CSMD1: variants seen among roughly 807,000 people sequenced by gnomAD.
The protein encoded by CSMD1 is CUB and Sushi multiple domains 1.
In CSMD1, 213 loss-of-function variants were observed where a neutral mutation model predicts 417.5. That is an observed-to-expected ratio of 0.51 (90% CI 0.46 to 0.57). CSMD1 has a LOEUF of 0.57. Ranked by LOEUF, CSMD1 falls within the 20% of genes least tolerant of loss-of-function variation. The pLI, the probability that CSMD1 is intolerant of heterozygous loss-of-function variation, is 0.00. For missense variants in CSMD1, 6,923 were observed against 4,529.7 expected, an observed-to-expected ratio of 1.53 and a Z score of -15.17; for synonymous variants, 2,862 against 1,736.8, an observed-to-expected ratio of 1.65 and a Z score of -16.11.
chr8:3,489,690 G>GT (rs763201857), intron 11 of CSMD1, among the ~76,000 whole-genome samples: 1 of 152,076 alleles, frequency 6.6e-6, no homozygotes, highest in Middle Eastern at 3.2e-3. Flanking sequence ...CTTTTATATT[G>GT]TGCCATAAAA....
intron 3 of CSMD1, among the ~76,000 whole-genome samples, chr8:4,140,244 T>TC (rs112973467): frequency 0.29 from 42,894 of 148,516 alleles, 8,426 homozygotes; most frequent in Non-Finnish European, 0.37. Flanking sequence ...CAGCCTGTCA[T>TC]CTAGCACTTT....
intron 5 of CSMD1, among the ~76,000 whole-genome samples, chr8:3,843,650 C>A (rs1803282596): frequency 6.6e-6 from 1 of 152,106 alleles, no homozygotes; most frequent in Admixed American, 6.6e-5. Flanking sequence ...AATGCATTTT[C>A]AAAGAGACAG....
At chr8:3,868,181 C>G (rs1805237159) in intron 5 of CSMD1, among the ~76,000 whole-genome samples, 1 of 152,106 alleles carries the variant, frequency 6.6e-6, no homozygotes, top group Non-Finnish European at 1.5e-5. Flanking sequence ...GAACCAACAC[C>G]TGGTGCAGTT....
intron 3 of CSMD1, among the ~76,000 whole-genome samples, chr8:4,044,637 G>A (rs983615938): frequency 1.8e-4 from 22 of 120,694 alleles, no homozygotes; most frequent in Non-Finnish European, 2.8e-4. Flanking sequence ...GAGACATAGC[G>A]CACCCTGTAC....
chr8:4,261,416 G>A (rs1394763033), intron 3 of CSMD1, among the ~76,000 whole-genome samples: 1 of 152,110 alleles, frequency 6.6e-6, no homozygotes, highest in Admixed American at 6.6e-5. Context: ...GGGGAGAGGG[G>A]AAATGGGGAA....
At chr8:3,203,797 G>C (rs1021213490) in intron 31 of CSMD1, among the ~76,000 whole-genome samples, 12 of 152,186 alleles carry the variant, frequency 7.9e-5, no homozygotes, top group African/African-American at 2.9e-4. Flanking sequence ...TGAGAATAGA[G>C]GAAACTGGGT....
intron 10 of CSMD1, 100 bp from the exon 11 acceptor site, chr8:3,493,826 C>G: frequency 1.1e-6 from 1 of 898,620 alleles, no homozygotes; most frequent in South Asian, 1.7e-5. Flanking sequence ...AATTTTGCTC[C>G]TTAATGCCAA....
At chr8:4,844,881 G>C (rs1801043264) in intron 1 of CSMD1, among the ~76,000 whole-genome samples, 1 of 152,104 alleles carries the variant, frequency 6.6e-6, no homozygotes, top group South Asian at 2.1e-4. Flanking sequence ...CTGCTTAACA[G>C]TACCCCCACA....
intron 3 of CSMD1, among the ~76,000 whole-genome samples, chr8:4,041,386 T>C (rs1322183503): frequency 6.6e-6 from 1 of 152,154 alleles, no homozygotes; most frequent in African/African-American, 2.4e-5. Context: ...ATGACAAGAA[T>C]TGTTAAATGC....
rs188651771 is a variant in CSMD1 at position 4,729,273 on chromosome 8, G to A, written c.86-91715C>T. ...GGAAAGAAAATAAGAATAAAAACCC[G>A]ATCATTATATTCGGAAATGCAGTCA... On this transcript the variant is annotated intron_variant, in intron 1 of 69. Coordinates refer to ENST00000635120, the MANE Select transcript of CSMD1 (RefSeq NM_033225.6). Among the ~76,000 whole-genome samples, 11 of 152,218 alleles carry A rather than the reference G, an allele frequency of 7.2e-5. No homozygotes were observed. In the East Asian group the frequency reaches 1.9e-3, roughly 27 times the overall value.
chr8:3,556,093 A>C (rs1159120733), intron 10 of CSMD1, among the ~76,000 whole-genome samples: 1 of 152,118 alleles, frequency 6.6e-6, no homozygotes, highest in Non-Finnish European at 1.5e-5. Context: ...ATATTCCACT[A>C]ACTACATAAG....
intron 23 of CSMD1, among the ~76,000 whole-genome samples, chr8:3,315,952 C>T (rs1426374607): frequency 6.6e-6 from 1 of 152,110 alleles, no homozygotes; most frequent in Non-Finnish European, 1.5e-5. Context: ...GAGCTTCCAG[C>T]AGGTCAAATA....
At chr8:3,772,508 C>CAT (rs374838980) in intron 5 of CSMD1, among the ~76,000 whole-genome samples, 346 of 6,760 alleles carry the variant, frequency 0.051, 45 homozygotes, top group Non-Finnish European at 0.087. Context: ...CATATATACA[C>CAT]ATATATACAT....
intron 10 of CSMD1, among the ~76,000 whole-genome samples, chr8:3,504,297 G>C (rs73658136): frequency 0.083 from 12,699 of 152,158 alleles, 604 homozygotes; most frequent in Admixed American, 0.15. Flanking sequence ...ACTGACAAAA[G>C]AGAGAGTCTG....
At chr8:3,469,423 A>G (rs1816960543) in intron 11 of CSMD1, among the ~76,000 whole-genome samples, 1 of 152,178 alleles carries the variant, frequency 6.6e-6, no homozygotes, top group South Asian at 2.1e-4. Flanking sequence ...GCATTTATTG[A>G]ACACTCCCCC....
intron 36 of CSMD1, among the ~76,000 whole-genome samples, chr8:3,182,794 G>A (rs1219054735): frequency 1.6e-5 from 2 of 124,902 alleles, no homozygotes; most frequent in Non-Finnish European, 3.2e-5. Flanking sequence ...GTTTCACCGT[G>A]TTAGCCAGGA....
chr8:4,426,827 T>C (rs1171388283), intron 2 of CSMD1, among the ~76,000 whole-genome samples: 1 of 150,664 alleles, frequency 6.6e-6, no homozygotes, highest in Non-Finnish European at 1.5e-5. Flanking sequence ...ACATGATACA[T>C]AGTATACTAT....
intron 3 of CSMD1, among the ~76,000 whole-genome samples, chr8:4,240,644 A>C (rs571318314): frequency 1.6e-4 from 24 of 152,076 alleles, no homozygotes; most frequent in Non-Finnish European, 2.8e-4. Context: ...AGTGCCTTTC[A>C]ACAAGTACTC....
chr8:4,233,011 T>G (rs574005206), intron 3 of CSMD1, among the ~76,000 whole-genome samples: 47 of 152,286 alleles, frequency 3.1e-4, no homozygotes, highest in African/African-American at 1.1e-3. Flanking sequence ...TGGTGTCATG[T>G]CTACATGCAC....
Sources: gnomAD v4.1 joint callset for allele counts (sites outside exome capture counted in the v4.1 genomes callset) on GRCh38, gnomAD v4.1.1 for gene constraint, MANE v1.5 for transcripts, NCBI Gene and HGNC (gene_info 2026-07-23, HGNC 2026-07-21) for gene names.